The following FAF1 variants were observed in gnomAD, a reference collection of about 807,000 sequenced individuals.
FAF1 encodes the protein Fas associated factor 1, also known as FAS-associated factor 1.
In FAF1, 25 loss-of-function variants were observed where a neutral mutation model predicts 92.5. The ratio of observed to expected loss-of-function variants is 0.27; its 90% CI spans 0.20 to 0.38. The LOEUF (loss-of-function observed/expected upper bound fraction) is 0.38, where lower values mean the gene tolerates loss of function less well. Among genes scored for constraint, FAF1 ranks in the 10% least tolerant of loss-of-function variants. The probability of loss-of-function intolerance (pLI) is 1.00; values close to 1 mark genes in which losing one functional copy is unlikely to be tolerated. For synonymous variants in FAF1, 234 were observed against 273.2 expected, an observed-to-expected ratio of 0.86 and a Z score of 1.42; for missense variants, 636 against 793.3, an observed-to-expected ratio of 0.80 and a Z score of 2.38.
rs1659135341 is a variant in FAF1 at position 50,736,315 on chromosome 1, T to A, written c.551+2548A>T. Among the ~76,000 whole-genome samples the A allele has an allele frequency of 2.0e-5, 3 of 152,360 alleles. No homozygotes were observed. The South Asian group carries it at 6.2e-4, about 32-fold the overall frequency. On this transcript the variant is annotated intron_variant, in intron 6 of 18. Coordinates refer to ENST00000396153, the MANE Select transcript of FAF1 (RefSeq NM_007051.3). ...AAGATTTCTAAGAATCCATCAATTG[T>A]AACAAAATTCTGCAAAAGCAAATCA... is the stretch of plus-strand genomic sequence containing the variant.
chr1:50,574,898 CTTTTTT>C (rs891527014), intron 12 of FAF1, among the ~76,000 whole-genome samples: 2 of 71,400 alleles, frequency 2.8e-5, no homozygotes, highest in Non-Finnish European at 5.5e-5. Flanking sequence ...TGTATTAACT[CTTTTTT>C]TTTTTTTTTT....
intron 4 of FAF1, among the ~76,000 whole-genome samples, chr1:50,775,941 C>T (rs1284151313): frequency 2.0e-5 from 3 of 152,044 alleles, no homozygotes; most frequent in Non-Finnish European, 2.9e-5. Context: ...TGATTCTCTG[C>T]CTGCCATAAT....
intron 18 of FAF1, among the ~76,000 whole-genome samples, chr1:50,474,406 TG>T (rs901860501): frequency 3.2e-4 from 48 of 152,126 alleles, no homozygotes; most frequent in African/African-American, 1.1e-3. Flanking sequence ...AGGGGTAGTT[TG>T]TTTTTTTTTT....
At chr1:50,904,956 A>G (rs929741351) in intron 1 of FAF1, among the ~76,000 whole-genome samples, 8 of 151,024 alleles carry the variant, frequency 5.3e-5, no homozygotes, top group Admixed American at 5.3e-4. Flanking sequence ...TTACATATCT[A>G]TACATGTGCC....
intron 6 of FAF1, among the ~76,000 whole-genome samples, chr1:50,725,603 G>C (rs1658615705): frequency 1.3e-5 from 2 of 152,052 alleles, no homozygotes; most frequent in Admixed American, 6.6e-5. Context: ...TTACAGGTGT[G>C]TGCCACCATG....
intron 7 of FAF1, among the ~76,000 whole-genome samples, chr1:50,664,822 A>C (rs966202658): frequency 9.9e-5 from 15 of 152,218 alleles, no homozygotes; most frequent in Admixed American, 6.5e-4. Context: ...ACAAACAAAC[A>C]AACAGGTTAT....
chr1:50,608,601 G>A (rs1652536187), intron 8 of FAF1, among the ~76,000 whole-genome samples: 1 of 152,124 alleles, frequency 6.6e-6, no homozygotes, highest in Non-Finnish European at 1.5e-5. Flanking sequence ...GGAGGGGAGG[G>A]GAAGAAGTAG....
In FAF1 at chr1:50,908,778, G is replaced by C. The variant is rs533530220; in HGVS notation, c.46-50781C>G. 1.1e-4 allele frequency among the ~76,000 whole-genome samples: 17 copies of C among 152,188 alleles called. 1 individual carries two copies. The South Asian group carries it at 3.1e-3, about 28-fold the overall frequency. On this transcript the variant is annotated intron_variant, in intron 1 of 18. Coordinates refer to ENST00000396153, the MANE Select transcript of FAF1 (RefSeq NM_007051.3). ...TGAGCCTATGTGTGTCTCTGCACAT[G>C]AGATGGGTTTCCTGAATACAGCACA...
chr1:50,476,894 C>T (rs1486290796), intron 17 of FAF1, among the ~76,000 whole-genome samples: 4 of 152,030 alleles, frequency 2.6e-5, no homozygotes, highest in East Asian at 1.9e-4. Context: ...AGCTTATAAG[C>T]TGGTTCTTTG....
intron 2 of FAF1, among the ~76,000 whole-genome samples, chr1:50,825,106 G>C (rs1437563515): frequency 6.6e-6 from 1 of 152,026 alleles, no homozygotes; most frequent in East Asian, 1.9e-4. Flanking sequence ...GAGAAGATTT[G>C]GAATGCTCCC....
chr1:50,742,272 C>T (rs1003357270), intron 5 of FAF1, among the ~76,000 whole-genome samples: 1 of 151,880 alleles, frequency 6.6e-6, no homozygotes, highest in African/African-American at 2.4e-5. Context: ...CATGATTGTA[C>T]CGCTGCACTC....
chr1:50,450,193 CAAA>C (rs558054363), intron 18 of FAF1, among the ~76,000 whole-genome samples: 3 of 75,924 alleles, frequency 4.0e-5, no homozygotes, highest in African/African-American at 4.2e-5. Flanking sequence ...GACTCCATCT[CAAA>C]AAAAAAAAAA....
intron 1 of FAF1, among the ~76,000 whole-genome samples, chr1:50,870,380 G>C (rs972355875): frequency 6.6e-6 from 1 of 152,156 alleles, no homozygotes; most frequent in Non-Finnish European, 1.5e-5. Context: ...TCACTTGAAC[G>C]CGCGAGGCAC....
chr1:50,757,797 T>C (rs1336634221), intron 4 of FAF1, among the ~76,000 whole-genome samples: 2 of 152,190 alleles, frequency 1.3e-5, no homozygotes, highest in African/African-American at 4.8e-5. Context: ...ATCTATTTCA[T>C]TTATCATCTT....
chr1:50,762,804 A>G (rs565603614), intron 4 of FAF1, among the ~76,000 whole-genome samples: 1 of 152,224 alleles, frequency 6.6e-6, no homozygotes, highest in African/African-American at 2.4e-5. Flanking sequence ...CTAAAACACC[A>G]AAAGCAATGG....
At chr1:50,947,271 T>C (rs1645178594) in intron 1 of FAF1, among the ~76,000 whole-genome samples, 1 of 152,194 alleles carries the variant, frequency 6.6e-6, no homozygotes, top group Admixed American at 6.5e-5. Flanking sequence ...AGTTCAATCA[T>C]TAAAGAATCC....
intron 13 of FAF1, among the ~76,000 whole-genome samples, chr1:50,560,579 C>T (rs1407742763): frequency 6.6e-6 from 1 of 152,186 alleles, no homozygotes. Context: ...AAATAGTGTG[C>T]AATGCCTGAT....
At chr1:50,869,983 C>A (rs978545393) in intron 1 of FAF1, among the ~76,000 whole-genome samples, 19 of 152,198 alleles carry the variant, frequency 1.2e-4, no homozygotes, top group Non-Finnish European at 2.2e-4. Context: ...TCATACCATG[C>A]ATTATGATGG....
At chr1:50,874,758 C>CTTTTTTTTTTTTTTTTTTT (rs755424291) in intron 1 of FAF1, among the ~76,000 whole-genome samples, 6 of 67,252 alleles carry the variant, frequency 8.9e-5, no homozygotes, top group African/African-American at 1.3e-4. Context: ...TCTTTTCTTT[C>CTTTTTTTTTTTTTTTTTTT]TTTTTTTTTT....
Sources: allele counts gnomAD v4.1 joint callset (sites outside exome capture counted in the v4.1 genomes callset), GRCh38; gene constraint gnomAD v4.1.1; transcripts MANE v1.5; gene names NCBI Gene and HGNC (gene_info 2026-07-23, HGNC 2026-07-21).